GPM6A: variants seen among roughly 807,000 people sequenced by gnomAD.
GPM6A encodes glycoprotein M6A.
In GPM6A, 7 loss-of-function variants were observed where a neutral mutation model predicts 32.1. That is an observed-to-expected ratio of 0.22 (90% CI 0.12 to 0.41). The LOEUF is 0.41. GPM6A is among the 10% of genes least tolerant of loss of function. GPM6A has a pLI of 1.00. For missense variants in GPM6A, 235 were observed against 347.2 expected (o/e 0.68, Z 2.57); for synonymous variants, 130 against 123.4 (o/e 1.05, Z -0.35).
chr4:175,858,315 T>C (rs1736474711), intron 1 of GPM6A, among the ~76,000 whole-genome samples: 1 of 152,134 alleles, frequency 6.6e-6, no homozygotes, highest in African/African-American at 2.4e-5. Context: ...GCAGATCGCC[T>C]GAGGTCAGGA....
At chr4:175,856,029 G>GAT (rs1330131629) in intron 1 of GPM6A, among the ~76,000 whole-genome samples, 1 of 151,972 alleles carries the variant, frequency 6.6e-6, no homozygotes, top group Non-Finnish European at 1.5e-5. Flanking sequence ...ACTGGGATGA[G>GAT]ATATAAACAA....
chr4:175,737,886 T>C (rs1481561129), intron 1 of GPM6A, among the ~76,000 whole-genome samples: 1 of 151,746 alleles, frequency 6.6e-6, no homozygotes, highest in Non-Finnish European at 1.5e-5. Context: ...AAGCCATTCA[T>C]GGGGATGCAC....
chr4:175,814,428 T>C (rs1268522472), upstream of GPM6A, among the ~76,000 whole-genome samples: 1 of 152,230 alleles, frequency 6.6e-6, no homozygotes, highest in Non-Finnish European at 1.5e-5. Context: ...CTTCCTACTC[T>C]GTTCCTTTAT....
chr4:175,970,821 A>C (rs959693321), intron 1 of GPM6A: 15 of 451,844 alleles, frequency 3.3e-5, no homozygotes, highest in Non-Finnish European at 6.6e-5. Flanking sequence ...CTACTAAATT[A>C]CTAAGCTGTC....
In GPM6A at chr4:175,870,401, C is replaced by T. The variant is rs528616966; in HGVS notation, c.-22-58152G>A. Among the ~76,000 whole-genome samples, 6 of 152,230 alleles carry T rather than the reference C, an allele frequency of 3.9e-5. No individual in the cohort carries two copies. The South Asian group carries it at 8.3e-4, about 21-fold the overall frequency. On this transcript the variant is annotated intron_variant, in intron 1 of 7. Coordinates refer to the GPM6A transcript ENST00000280187. ...TACCTTGTTGACACTGAACATTCAA[C>T]CATCAGGTTTCCTTTATTCACTCAA...
Position 175,747,131 on chromosome 4 carries a change from G to A in GPM6A, c.38-45364C>T, listed in dbSNP as rs148974378. On this transcript the variant is annotated intron_variant, in intron 1 of 6. Coordinates refer to ENST00000393658, the MANE Select transcript of GPM6A (RefSeq NM_201591.3). ...CTAAAAATGCAAAAATTAGCTGGGC[G>A]TGGTGACACGTGCCTGTAATCCCAG... Among the ~76,000 whole-genome samples the A allele has an allele frequency of 4.5e-3, 677 of 151,930 alleles. 5 individuals carry two copies. The highest frequency in any genetic ancestry group is 0.015 in the African/African-American group (628 of 41,468).
In GPM6A at chr4:175,920,372, T is replaced by G. The variant is rs1738625952; in HGVS notation, c.-23+81937A>C. Among the ~76,000 whole-genome samples, 3 of 152,176 alleles carry G rather than the reference T, an allele frequency of 2.0e-5. No homozygotes were observed. In the South Asian group the frequency reaches 6.2e-4, roughly 31 times the overall value. On this transcript the variant is annotated intron_variant, in intron 1 of 7. Transcript: ENST00000280187. Reference sequence around the variant, plus strand: ...GGGTTAATTACTTTTTAAAATGGTCTTATAAAATGACACAAAAAAATAAAG... The same window carrying G: ...GGGTTAATTACTTTTTAAAATGGTCGTATAAAATGACACAAAAAAATAAAG...
intron 3 of GPM6A, among the ~76,000 whole-genome samples, chr4:175,664,700 A>T (rs942475572): frequency 2.6e-5 from 4 of 152,092 alleles, no homozygotes; most frequent in Non-Finnish European, 5.9e-5. Context: ...ATTCTACTTC[A>T]CATCTTCTGG....
At chr4:175,671,918 CGCA>C (rs66532355) in intron 3 of GPM6A, among the ~76,000 whole-genome samples, 99,672 of 150,600 alleles carry the variant, frequency 0.66, 36,618 homozygotes, top group Non-Finnish European at 0.82. Context: ...GAGGAGCCCA[CGCA>C]GCAGCTGCTG....
At chr4:175,829,683 T>C (rs1735547603) in intron 1 of GPM6A, among the ~76,000 whole-genome samples, 1 of 146,930 alleles carries the variant, frequency 6.8e-6, no homozygotes, top group African/African-American at 2.5e-5. Flanking sequence ...AACATATATA[T>C]ATTACATATA....
At chr4:175,900,311 AGG>A (rs1737919773) in intron 1 of GPM6A, among the ~76,000 whole-genome samples, 2 of 6,140 alleles carry the variant, frequency 3.3e-4, no homozygotes, top group Non-Finnish European at 6.9e-4. Flanking sequence ...AAAGAAGGAA[AGG>A]AAAGGAAAGG....
intron 1 of GPM6A, among the ~76,000 whole-genome samples, chr4:175,752,403 C>T (rs2047246): frequency 0.25 from 38,472 of 151,898 alleles, 5,133 homozygotes; most frequent in Admixed American, 0.28. Flanking sequence ...AGCCTTTTTC[C>T]GTGCTGTCCT....
chr4:175,687,572 C>G (rs1744055881), intron 2 of GPM6A, among the ~76,000 whole-genome samples: 1 of 151,968 alleles, frequency 6.6e-6, no homozygotes, highest in Admixed American at 6.6e-5. Flanking sequence ...ATGCATTCAT[C>G]TATCCATGTA....
chr4:175,919,076 G>T (rs1579626888), intron 1 of GPM6A, among the ~76,000 whole-genome samples: 1 of 152,088 alleles, frequency 6.6e-6, no homozygotes, highest in South Asian at 2.1e-4. Flanking sequence ...ATTACGATAA[G>T]ATAGGGTATC....
At chr4:175,680,323 C>A (rs1743612771) in intron 2 of GPM6A, among the ~76,000 whole-genome samples, 1 of 152,028 alleles carries the variant, frequency 6.6e-6, no homozygotes, top group Non-Finnish European at 1.5e-5. Flanking sequence ...AATACTGACT[C>A]CCAAGAATAT....
intron 1 of GPM6A, among the ~76,000 whole-genome samples, chr4:175,892,847 T>C (rs1177992959): frequency 6.6e-6 from 1 of 152,224 alleles, no homozygotes. Context: ...TTGTTCTGAC[T>C]GATTTTCTTC....
intron 6 of GPM6A, among the ~76,000 whole-genome samples, chr4:175,638,613 G>A (rs1419642367): frequency 6.6e-6 from 1 of 152,016 alleles, no homozygotes; most frequent in Non-Finnish European, 1.5e-5. Flanking sequence ...TGTCTAAATA[G>A]GTGTTTTTCA....
intron 1 of GPM6A, among the ~76,000 whole-genome samples, chr4:175,995,152 A>G (rs1192527714): frequency 6.6e-6 from 1 of 152,114 alleles, no homozygotes; most frequent in Non-Finnish European, 1.5e-5. Context: ...ACTGGAATCA[A>G]TCTATTCCAA....
At chr4:175,720,281 T>C (rs1236835765) in intron 1 of GPM6A, among the ~76,000 whole-genome samples, 10 of 152,198 alleles carry the variant, frequency 6.6e-5, no homozygotes, top group Admixed American at 6.5e-4. Flanking sequence ...AGCCTACATA[T>C]GAAAACCTGC....
Sources: gnomAD v4.1 joint callset for allele counts (sites outside exome capture counted in the v4.1 genomes callset) on GRCh38, gnomAD v4.1.1 for gene constraint, MANE v1.5 for transcripts, NCBI Gene and HGNC (gene_info 2026-07-23, HGNC 2026-07-21) for gene names.